The following RGS7 variants were observed in gnomAD, a reference collection of about 807,000 sequenced individuals.
The protein encoded by RGS7 is regulator of G-protein signaling 7.
In RGS7, 27 loss-of-function variants were observed where a neutral mutation model predicts 81.1. That is an observed-to-expected ratio of 0.33 (90% CI 0.25 to 0.46). The LOEUF (loss-of-function observed/expected upper bound fraction) is 0.46, where lower values mean the gene tolerates loss of function less well. RGS7 is among the 20% of genes least tolerant of loss of function. RGS7 has a pLI of 1.00. For missense variants in RGS7, 396 were observed against 607.4 expected (o/e 0.65, Z 3.66); for synonymous variants, 208 against 207.7 (o/e 1.00, Z -0.01).
chr1:241,199,374 A>C (rs2147842604), intron 2 of RGS7, among the ~76,000 whole-genome samples: 1 of 152,028 alleles, frequency 6.6e-6, no homozygotes, highest in South Asian at 2.1e-4. Context: ...CACTGAGCTG[A>C]GATTGCGCCA....
intron 2 of RGS7, among the ~76,000 whole-genome samples, chr1:241,221,047 G>GGAAA (rs1418501510): frequency 1.0e-5 from 1 of 100,278 alleles, no homozygotes; most frequent in African/African-American, 3.3e-5. Flanking sequence ...GGAAAAGAAA[G>GGAAA]AAAGAAAGAA....
At chr1:240,953,631 C>T (rs1457140649) in intron 4 of RGS7, among the ~76,000 whole-genome samples, 2 of 151,870 alleles carry the variant, frequency 1.3e-5, no homozygotes, top group South Asian at 2.1e-4. Context: ...AGCATTAATG[C>T]ATTTATTACA....
chr1:241,071,669 G>A (rs2062453372), intron 3 of RGS7, among the ~76,000 whole-genome samples: 2 of 150,966 alleles, frequency 1.3e-5, no homozygotes, highest in Admixed American at 1.3e-4. Context: ...AGCCTTAGGT[G>A]TTCAGTTAAT....
intron 2 of RGS7, among the ~76,000 whole-genome samples, chr1:241,214,196 T>C (rs1375933576): frequency 6.6e-6 from 1 of 152,228 alleles, no homozygotes. Context: ...TCTCATGTTA[T>C]AGACCTGTCA....
intron 2 of RGS7, among the ~76,000 whole-genome samples, chr1:241,351,243 A>AC (rs2083229924): frequency 6.6e-6 from 1 of 151,576 alleles, no homozygotes; most frequent in African/African-American, 2.4e-5. Context: ...ACATAGTGAG[A>AC]CCCCATCTCT....
intron 18 of RGS7, among the ~76,000 whole-genome samples, chr1:240,794,710 C>T (rs1339699977): frequency 6.6e-6 from 1 of 152,228 alleles, no homozygotes; most frequent in Non-Finnish European, 1.5e-5. Flanking sequence ...TGACACTGTA[C>T]TGCACTGCTC....
chr1:241,111,707 T>TC (rs2065525821), intron 2 of RGS7, among the ~76,000 whole-genome samples: 1 of 152,098 alleles, frequency 6.6e-6, no homozygotes, highest in Admixed American at 6.5e-5. Flanking sequence ...ATATTCTCCC[T>TC]CCAACACCTT....
rs141155329 is a variant in RGS7, at chr1:241,113,431, T to A, written c.79-14669A>T. 7.9e-3 allele frequency among the ~76,000 whole-genome samples: 1,210 copies of A among 152,284 alleles called. 8 individuals carry two copies. Among genetic ancestry groups the A allele is most frequent in the Middle Eastern group, 0.02 (6 of 294 alleles). ...ATGCCCTCCATTGAAAGCCAGCAAT[T>A]TCTATGTGTCTCCACCAGCCAAGAG... On this transcript the variant is annotated intron_variant, in intron 2 of 18. Transcript: ENST00000440928.
intron 2 of RGS7, among the ~76,000 whole-genome samples, chr1:241,191,478 T>C (rs1251060266): frequency 6.6e-6 from 1 of 152,232 alleles, no homozygotes; most frequent in African/African-American, 2.4e-5. Flanking sequence ...GATTATGATG[T>C]ATAACTCTTT....
At chr1:241,000,136 G>A (rs979166664) in intron 3 of RGS7, among the ~76,000 whole-genome samples, 5 of 152,154 alleles carry the variant, frequency 3.3e-5, no homozygotes, top group Admixed American at 6.5e-5. Flanking sequence ...CCAGGGTGGA[G>A]AAGTGGGGTG....
chr1:241,155,192 C>T (rs1300814447), intron 2 of RGS7, among the ~76,000 whole-genome samples: 2 of 152,144 alleles, frequency 1.3e-5, no homozygotes, highest in African/African-American at 4.8e-5. Flanking sequence ...ACCTCTGCCT[C>T]CCAGTCCAAG....
chr1:241,328,982 T>A (rs1387312738), intron 2 of RGS7, among the ~76,000 whole-genome samples: 1 of 152,202 alleles, frequency 6.6e-6, no homozygotes. Flanking sequence ...ATGGAAGTCA[T>A]TACCACTCAC....
rs141833226 is a variant in RGS7 at position 240,879,376 on chromosome 1, G to A, written c.386-9257C>T. On this transcript the variant is annotated intron_variant, in intron 6 of 18. Coordinates refer to ENST00000440928, the MANE Select transcript of RGS7 (RefSeq NM_001364886.1). ...CTTTGCCTCACCATTTATTTTAAACGAGTCAGTGTGTCTTACTTCTCTTTC... is the reference window on the plus strand; with the variant it reads ...CTTTGCCTCACCATTTATTTTAAACAAGTCAGTGTGTCTTACTTCTCTTTC... Among the ~76,000 whole-genome samples, 589 of 152,190 alleles carry A rather than the reference G, an allele frequency of 3.9e-3. 4 individuals are homozygous for A. The highest frequency in any genetic ancestry group is 0.013 in the African/African-American group (548 of 41,502).
intron 6 of RGS7, among the ~76,000 whole-genome samples, chr1:240,900,551 G>A (rs917440557): frequency 5.9e-5 from 9 of 152,092 alleles, no homozygotes; most frequent in African/African-American, 2.2e-4. Context: ...GAGTTTGCTG[G>A]AGGTCCACTC....
At chr1:241,326,119 G>A (rs1044478282) in intron 2 of RGS7, among the ~76,000 whole-genome samples, 4 of 152,166 alleles carry the variant, frequency 2.6e-5, no homozygotes, top group African/African-American at 4.8e-5. Context: ...ACATTCCCCC[G>A]CCTAGGATGT....
At position 240,930,336 on chromosome 1, in the gene RGS7, G is replaced by A. The variant is rs554384971; in HGVS notation, c.385+381C>T. ...AGTGAGAAAAGCGGACCCTTGGGAC[G>A]TCAAGGGACTTACTAAAAAGCACAC... On this transcript the variant is annotated intron_variant, in intron 6 of 18. Transcript: ENST00000440928. 1.4e-4 allele frequency among the ~76,000 whole-genome samples: 21 copies of A among 150,876 alleles called. No homozygotes were observed. In the South Asian group the frequency reaches 3.3e-3, roughly 24 times the overall value.
intron 9 of RGS7, among the ~76,000 whole-genome samples, chr1:240,867,033 C>A (rs2148012285): frequency 6.6e-6 from 1 of 152,268 alleles, no homozygotes; most frequent in South Asian, 2.1e-4. Flanking sequence ...AAATAAAAAT[C>A]CTACTTAATG....
intron 5 of RGS7, among the ~76,000 whole-genome samples, chr1:240,933,251 G>T (rs550903121): frequency 0.02 from 3,086 of 151,866 alleles, 85 homozygotes; most frequent in African/African-American, 0.065. Context: ...ATTTTGGGGA[G>T]TATATATGTG....
At chr1:241,227,780 C>G (rs1028539647) in intron 2 of RGS7, among the ~76,000 whole-genome samples, 6 of 141,966 alleles carry the variant, frequency 4.2e-5, no homozygotes, top group African/African-American at 1.5e-4. Flanking sequence ...CCTTAACAAA[C>G]AGAAGTGAAG....
Sources: allele counts gnomAD v4.1 joint callset (sites outside exome capture counted in the v4.1 genomes callset), GRCh38; gene constraint gnomAD v4.1.1; transcripts MANE v1.5; gene names NCBI Gene and HGNC (gene_info 2026-07-23, HGNC 2026-07-21).